The following BZW2 variants were observed in gnomAD, a reference collection of about 807,000 sequenced individuals.
The protein encoded by BZW2 is eIF5-mimic protein 1.
Under a neutral mutation model 53.2 loss-of-function variants are expected in BZW2, and 23 were observed. That is an observed-to-expected ratio of 0.43 (90% confidence interval 0.31 to 0.61). The LOEUF is 0.61. BZW2 is among the 20% of genes least tolerant of loss of function. BZW2 has a pLI of 0.09. For synonymous variants in BZW2, 227 were observed against 186.4 expected, an observed-to-expected ratio of 1.22 and a Z score of -1.77; for missense variants, 409 against 503.1, an observed-to-expected ratio of 0.81 and a Z score of 1.79.
intron 1 of BZW2, 92 bp downstream of exon 1, chr7:16,646,380 G>C (rs1405945472): frequency 6.1e-6 from 1 of 163,544 alleles, no homozygotes; most frequent in Non-Finnish European, 1.4e-5. Context: ...GGCAGGAGCT[G>C]GCGGGGAGGA....
intron 1 of BZW2, among the ~76,000 whole-genome samples, chr7:16,659,513 C>T (rs1355665978): frequency 6.6e-6 from 1 of 152,076 alleles, no homozygotes; most frequent in East Asian, 1.9e-4. Flanking sequence ...AATGATAATA[C>T]AATGTTATCA....
Position 16,696,904 on chromosome 7 carries a change from A to T in BZW2, c.823-11A>T, listed in dbSNP as rs772966380. ...CCTGTTACTTTCTGACCCCATTTCC[A>T]TGTAATGTAGGTGGTGCTTTATGTC... On this transcript the variant is annotated splice_polypyrimidine_tract_variant and intron_variant, in intron 8 of 11. Transcript: ENST00000258761. The T allele has an allele frequency of 1.2e-6, 2 of 1,613,654 alleles. No individual in the cohort carries two copies. The highest frequency in any genetic ancestry group is 1.7e-6 in the Non-Finnish European group (2 of 1,179,832).
chr7:16,675,862 C>T (rs997449637), intron 3 of BZW2, among the ~76,000 whole-genome samples: 3 of 152,142 alleles, frequency 2.0e-5, no homozygotes, highest in Non-Finnish European at 2.9e-5. Flanking sequence ...GGCGGATCAC[C>T]TGAGGTCAGG....
chr7:16,685,945 C>T lies in BZW2; in HGVS notation c.446C>T (p.Thr149Ile). 1 of 1,554,648 alleles carries T rather than the reference C, an allele frequency of 6.4e-7. No homozygotes were observed. Among genetic ancestry groups the T allele is most frequent in the Non-Finnish European group, 8.7e-7 (1 of 1,152,644 alleles). Residue 149 changes from threonine (T) to isoleucine (I), a missense_variant, in exon 6 of 12, where the codon ACA (threonine) becomes ATA (isoleucine). Physicochemically the swap from Thr to Ile is moderately conservative, Grantham distance 89. Around this residue, in one of 3 missense-constraint regions of BZW2, gnomAD observed 316 missense variants for 366.8 expected, o/e 0.86. Coordinates refer to ENST00000258761, the MANE Select transcript of BZW2 (RefSeq NM_014038.3). Reference sequence around the variant, plus strand: ...AAAGCCTTTTCCGAAACAGAGCAGACAAAGTTGGCGATGCTGTCGGGGATT... The same window carrying T: ...AAAGCCTTTTCCGAAACAGAGCAGATAAAGTTGGCGATGCTGTCGGGGATT... Reference protein sequence around the residue: ...FLKAFSETEQTKLAMLSGILL... With the variant: ...FLKAFSETEQIKLAMLSGILL...
chr7:16,673,148 A>G (rs1782658897), intron 2 of BZW2, among the ~76,000 whole-genome samples: 2 of 151,822 alleles, frequency 1.3e-5, no homozygotes, highest in African/African-American at 4.8e-5. Context: ...GGGTTTCACC[A>G]CGTTAGCCAG....
intron 2 of BZW2, among the ~76,000 whole-genome samples, chr7:16,667,325 G>T (rs1782463013): frequency 6.6e-6 from 1 of 150,724 alleles, no homozygotes; most frequent in Non-Finnish European, 1.5e-5. Flanking sequence ...GAACTCAATA[G>T]GGAAACTTTT....
chr7:16,682,842 A>G lies in BZW2; in HGVS notation c.402A>G (p.Lys134=), dbSNP rs563391071. 76 of 1,570,462 alleles carry G rather than the reference A, an allele frequency of 4.8e-5. No individual in the cohort carries two copies. The South Asian group carries it at 7.7e-4, about 16-fold the overall frequency. ...YLEKAFEDEM[K]KLLLFLKAFS... is the part of the protein sequence containing the mutation. Reference sequence around the variant, plus strand: ...AGAAGGCATTTGAAGATGAAATGAAAAAGGTAAAAATTCAAATATAATGCC... The same window carrying G: ...AGAAGGCATTTGAAGATGAAATGAAGAAGGTAAAAATTCAAATATAATGCC... Residue 134 remains lysine (K), a synonymous_variant, in exon 5 of 12, where the codon AAA becomes AAG. Coordinates refer to ENST00000258761, the MANE Select transcript of BZW2 (RefSeq NM_014038.3).
intron 7 of BZW2, 62 bp downstream of exon 7, chr7:16,689,968 C>A: frequency 7.8e-7 from 1 of 1,279,396 alleles, no homozygotes; most frequent in Non-Finnish European, 1.1e-6. Context: ...TAAGCAATGC[C>A]TGCAATGTAG....
rs56717952 is a variant in BZW2 at position 16,692,257 on chromosome 7, G to C, written c.651+2351G>C. Among the ~76,000 whole-genome samples the C allele has an allele frequency of 1.5e-3, 234 of 152,236 alleles. 2 individuals are homozygous for C. Among genetic ancestry groups the C allele is most frequent in the African/African-American group, 5.0e-3 (207 of 41,530 alleles). On this transcript the variant is annotated intron_variant, in intron 7 of 11. Transcript: ENST00000258761. The stretch of plus-strand genomic sequence containing the variant: ...AGCCAACCCTTATTACTGACAAAGA[G>C]AATAGTGATTAAGAAATCAAAGATA...
intron 7 of BZW2, among the ~76,000 whole-genome samples, chr7:16,692,716 A>G (rs1012143328): frequency 6.6e-6 from 1 of 152,194 alleles, no homozygotes; most frequent in South Asian, 2.1e-4. Flanking sequence ...GTGAGCTAAG[A>G]TCACGCCACT....
chr7:16,699,273 C>T (rs1000870032), intron 10 of BZW2, among the ~76,000 whole-genome samples: 1 of 152,176 alleles, frequency 6.6e-6, no homozygotes, highest in Non-Finnish European at 1.5e-5. Context: ...GTTGGGTCTT[C>T]TTGGATTTAG....
intron 5 of BZW2, among the ~76,000 whole-genome samples, chr7:16,683,440 C>G (rs942425863): frequency 2.0e-5 from 3 of 152,096 alleles, no homozygotes; most frequent in Non-Finnish European, 2.9e-5. Flanking sequence ...TAACCTCTGA[C>G]CTTGCAGAGA....
intron 2 of BZW2, among the ~76,000 whole-genome samples, chr7:16,668,239 A>T (rs1040215766): frequency 2.0e-5 from 3 of 152,168 alleles, no homozygotes; most frequent in African/African-American, 7.2e-5. Context: ...GTGTTGCACA[A>T]CAGCAGACGT....
chr7:16,698,045 T>C lies in BZW2; in HGVS notation c.970-3T>C, dbSNP rs776831816. ...CGGCTTTTACTCTCCACTTCTGTTC[T>C]AGCAATATGCTCCCCTGCTGGCCGT... On this transcript the variant is annotated splice_region_variant and splice_polypyrimidine_tract_variant and intron_variant, in intron 9 of 11. Transcript: ENST00000258761. The C allele has an allele frequency of 6.2e-7, 1 of 1,614,064 alleles. No homozygotes were observed. The highest frequency in any genetic ancestry group is 1.7e-5 in the Admixed American group (1 of 60,016).
chr7:16,684,546 TAAA>T lies in BZW2; in HGVS notation c.406-1358_406-1356del, dbSNP rs1398230426. Among the ~76,000 whole-genome samples the T allele has an allele frequency of 1.1e-4, 16 of 152,352 alleles. No homozygotes were observed. In the East Asian group the frequency reaches 2.9e-3, roughly 28 times the overall value. ...ATGAATATGGTTATATGTGTGAGCT[TAAA>T]GAAGTGGTGTTAAAATTTTATTTTA... On this transcript the variant is annotated intron_variant, in intron 5 of 11. Transcript: ENST00000258761.
At chr7:16,685,544 C>T (rs1016175579) in intron 5 of BZW2, among the ~76,000 whole-genome samples, 2 of 151,750 alleles carry the variant, frequency 1.3e-5, no homozygotes, top group African/African-American at 4.8e-5. Context: ...ACTTGAAAAA[C>T]AATACATTTC....
chr7:16,658,614 T>C (rs1782173926), intron 1 of BZW2, among the ~76,000 whole-genome samples: 1 of 152,096 alleles, frequency 6.6e-6, no homozygotes, highest in South Asian at 2.1e-4. Context: ...CAGTGGCTTA[T>C]GCCTGTAATC....
At chr7:16,670,942 T>C (rs1782579778) in intron 2 of BZW2, among the ~76,000 whole-genome samples, 1 of 152,218 alleles carries the variant, frequency 6.6e-6, no homozygotes, top group African/African-American at 2.4e-5. Context: ...GGGAATGCCA[T>C]TCTTCTCTGG....
intron 1 of BZW2, among the ~76,000 whole-genome samples, chr7:16,656,553 G>GCACACACA (rs1301100071): frequency 2.4e-3 from 287 of 119,870 alleles, no homozygotes; most frequent in African/African-American, 0.01. Flanking sequence ...CAGCGCGCGC[G>GCACACACA]CGCACACACA....
Sources: allele counts gnomAD v4.1 joint callset (sites outside exome capture counted in the v4.1 genomes callset), GRCh38; gene constraint gnomAD v4.1.1; regional missense constraint gnomAD v4.1.1; transcripts MANE v1.5; gene names NCBI Gene and HGNC (gene_info 2026-07-23, HGNC 2026-07-21).